Variants in CD247 observed in about 807,000 individuals in gnomAD.
CD247 encodes CD247 molecule.
CD247 carries 13 observed loss-of-function variants against 30.0 expected under a neutral mutation model. The observed-to-expected ratio is 0.43, with a 90% CI of 0.28 to 0.69. The LOEUF is 0.69. Ranked by LOEUF, CD247 falls within the 30% of genes least tolerant of loss-of-function variation. CD247 has a pLI of 0.16. For synonymous variants in CD247, 72 were observed against 80.0 expected, an observed-to-expected ratio of 0.90 and a Z score of 0.53; for missense variants, 193 against 212.6, an observed-to-expected ratio of 0.91 and a Z score of 0.57.
At chr1:167,503,980 C>T (rs1655013838) in intron 1 of CD247, among the ~76,000 whole-genome samples, 1 of 152,188 alleles carries the variant, frequency 6.6e-6, no homozygotes, top group South Asian at 2.1e-4. Flanking sequence ...TGCTAATTCC[C>T]TTCTCCATGT....
intron 1 of CD247, among the ~76,000 whole-genome samples, chr1:167,485,312 G>A (rs1296544480): frequency 2.0e-5 from 3 of 152,188 alleles, no homozygotes; most frequent in African/African-American, 7.2e-5. Context: ...TCCCTGTGCC[G>A]CTGTGGCCTG....
intron 1 of CD247, among the ~76,000 whole-genome samples, chr1:167,490,119 C>T (rs966391267): frequency 6.6e-6 from 1 of 151,966 alleles, no homozygotes; most frequent in Non-Finnish European, 1.5e-5. Context: ...CAAGCAATGT[C>T]CCCAAGCAAA....
At chr1:167,431,921 C>G (rs1195215399) in intron 7 of CD247, among the ~76,000 whole-genome samples, 175 bp from the exon 8 acceptor site, 5 of 152,192 alleles carry the variant, frequency 3.3e-5, no homozygotes, top group Non-Finnish European at 5.9e-5. Flanking sequence ...GCTGCAACAG[C>G]TTCGTTGGTA....
chr1:167,481,857 A>T (rs1653985127), intron 1 of CD247, among the ~76,000 whole-genome samples: 1 of 152,142 alleles, frequency 6.6e-6, no homozygotes, highest in Admixed American at 6.5e-5. Context: ...AAGGGGACAC[A>T]CTGAGGCCCA....
At chr1:167,485,726 C>T (rs1438668131) in intron 1 of CD247, among the ~76,000 whole-genome samples, 3 of 152,096 alleles carry the variant, frequency 2.0e-5, no homozygotes, top group Non-Finnish European at 2.9e-5. Context: ...CTCAGGAATC[C>T]CTCCTTTCAG....
At chr1:167,466,933 A>G (rs1036698757) in intron 1 of CD247, among the ~76,000 whole-genome samples, 25 of 150,968 alleles carry the variant, frequency 1.7e-4, no homozygotes, top group African/African-American at 5.1e-4. Context: ...TCTGCCTCCC[A>G]GGTTCACGCC....
chr1:167,510,031 A>C (rs1057449764), intron 1 of CD247, among the ~76,000 whole-genome samples: 2 of 152,154 alleles, frequency 1.3e-5, no homozygotes, highest in Admixed American at 1.3e-4. Flanking sequence ...TTCTCCACAG[A>C]ATCCCTGGAA....
At chr1:167,469,932 A>G (rs1216978693) in intron 1 of CD247, among the ~76,000 whole-genome samples, 1 of 151,046 alleles carries the variant, frequency 6.6e-6, no homozygotes, top group African/African-American at 2.4e-5. Context: ...ATTTTTTTTG[A>G]GATGGAGTCT....
rs76561675 is a variant in CD247, at chr1:167,460,826, C to T, written c.59-20059G>A. Among the ~76,000 whole-genome samples, 1,226 of 152,290 alleles carry T rather than the reference C, an allele frequency of 8.1e-3. 4 individuals carry two copies. The highest frequency in any genetic ancestry group is 0.011 in the South Asian group (54 of 4,824). On this transcript the variant is annotated intron_variant, in intron 1 of 7. Transcript: ENST00000362089. ...CATTGTTCAACTCTCGGGGAGTTAT[C>T]TCTGAGTTACTCCTGAGTCTGGGCT...
chr1:167,430,744 A>T lies in CD247; in HGVS notation c.*937T>A. 2.5e-6 allele frequency: 1 copy of T among 398,674 alleles called. No individual in the cohort carries two copies. The highest frequency in any genetic ancestry group is 4.4e-6 in the Non-Finnish European group (1 of 226,080). 24.7% of individuals were successfully genotyped at this position (398,674 alleles called of 1,614,324 possible). On this transcript the variant is annotated 3_prime_UTR_variant, in exon 8 of 8. Transcript: ENST00000362089. ...GCAGAGTAGAGAGCGTTTTCCATCC[A>T]TGGCCTGTGCCCTGTAATGACGCAG... is the stretch of plus-strand genomic sequence containing the variant.
intron 1 of CD247, among the ~76,000 whole-genome samples, chr1:167,488,433 T>C (rs893023876): frequency 4.0e-5 from 6 of 151,830 alleles, no homozygotes; most frequent in South Asian, 2.1e-4. Flanking sequence ...AGGAGCAGAG[T>C]AGGGGGTCAA....
intron 1 of CD247, among the ~76,000 whole-genome samples, chr1:167,448,184 T>C (rs1652183093): frequency 6.6e-6 from 1 of 152,194 alleles, no homozygotes; most frequent in Admixed American, 6.5e-5. Flanking sequence ...GAACCACACG[T>C]GTGAGTTTTC....
At chr1:167,502,469 G>A (rs1182038958) in intron 1 of CD247, among the ~76,000 whole-genome samples, 2 of 152,160 alleles carry the variant, frequency 1.3e-5, no homozygotes, top group Admixed American at 6.5e-5. Flanking sequence ...CTTTAAAAGG[G>A]TGTCTTACAT....
chr1:167,434,325 C>T (rs1366528551), intron 5 of CD247: 11 of 563,008 alleles, frequency 2.0e-5, no homozygotes, highest in African/African-American at 3.8e-5. Context: ...AGCTGAGGGG[C>T]TCAAGTTAGG....
chr1:167,501,031 T>C (rs561992168), intron 1 of CD247, among the ~76,000 whole-genome samples: 4 of 150,362 alleles, frequency 2.7e-5, no homozygotes, highest in Admixed American at 2.0e-4. Context: ...GACCCAGCCA[T>C]CCGACTTCTG....
chr1:167,504,215 G>C (rs572077025), intron 1 of CD247, among the ~76,000 whole-genome samples: 7 of 152,244 alleles, frequency 4.6e-5, no homozygotes, highest in Admixed American at 2.6e-4. Context: ...AAGTGCCACA[G>C]GATTAGTTGA....
At chr1:167,439,972 G>A (rs1651742966) in intron 2 of CD247, 1 of 163,728 alleles carries the variant, frequency 6.1e-6, no homozygotes, top group South Asian at 1.6e-4. Context: ...GCTTCAGGCG[G>A]GAGAAACTGC....
chr1:167,511,022 T>C (rs924530196), intron 1 of CD247, among the ~76,000 whole-genome samples: 1 of 152,226 alleles, frequency 6.6e-6, no homozygotes, highest in Non-Finnish European at 1.5e-5. Flanking sequence ...TTTGCTTTGC[T>C]CCAGTCAACA....
chr1:167,449,057 A>G (rs1652221940), intron 1 of CD247, among the ~76,000 whole-genome samples: 1 of 151,758 alleles, frequency 6.6e-6, no homozygotes, highest in Non-Finnish European at 1.5e-5. Context: ...TCTTAGGGGT[A>G]GCGCTTTATG....
Sources: allele counts gnomAD v4.1 joint callset (sites outside exome capture counted in the v4.1 genomes callset), GRCh38; gene constraint gnomAD v4.1.1; transcripts MANE v1.5; gene names NCBI Gene and HGNC (gene_info 2026-07-23, HGNC 2026-07-21).